TUBGCP2: variants seen among roughly 807,000 people sequenced by gnomAD.
TUBGCP2 encodes gamma-tubulin complex component 2.
TUBGCP2 carries 55 observed loss-of-function variants against 92.2 expected under a neutral mutation model. The ratio of observed to expected loss-of-function variants is 0.60; its 90% CI spans 0.48 to 0.75. TUBGCP2 has a LOEUF of 0.75. Ranked by LOEUF, TUBGCP2 falls within the 30% of genes least tolerant of loss-of-function variation. TUBGCP2 has a pLI of 0.00. For missense variants in TUBGCP2, 1,093 were observed against 1,188.9 expected (o/e 0.92, Z 1.19); for synonymous variants, 533 against 505.2 (o/e 1.06, Z -0.74).
rs1847493486 is a variant in TUBGCP2 at position 133,296,628 on chromosome 10, C to T, written c.616+1324G>A. On this transcript the variant is annotated intron_variant, in intron 5 of 17. Coordinates refer to ENST00000252936, the MANE Select transcript of TUBGCP2 (RefSeq NM_006659.4). ...GAGTAGCTGGGACTACAGGTGCACG[C>T]TACCACACTCGGCTAATTTTCACAT... Among the ~76,000 whole-genome samples the T allele has an allele frequency of 1.3e-5, 2 of 152,154 alleles. 1 individual carries two copies. Among genetic ancestry groups the T allele is most frequent in the South Asian group, 4.1e-4 (2 of 4,832 alleles).
At chr10:133,307,527 C>T (rs1200142056) in intron 1 of TUBGCP2, among the ~76,000 whole-genome samples, 1 of 152,240 alleles carries the variant, frequency 6.6e-6, no homozygotes, top group Non-Finnish European at 1.5e-5. Flanking sequence ...TACAGTCATG[C>T]ATCACTCAAC....
In TUBGCP2 at chr10:133,306,089, T is replaced by G. The variant is rs138425574; in HGVS notation, c.-40+2734A>C. On this transcript the variant is annotated intron_variant, in intron 1 of 17. Transcript: ENST00000252936. ...GTTACCAGGAAAGCAGAAACAAACA[T>G]GCGGCACCATTGCTCCCTGGAGGTG... 2.4e-4 allele frequency among the ~76,000 whole-genome samples: 36 copies of G among 152,322 alleles called. No individual in the cohort carries two copies. In the East Asian group the frequency reaches 6.6e-3, roughly 28 times the overall value.
rs1212671656 is a variant in TUBGCP2, at chr10:133,297,981, C to G, written c.587G>C (p.Gly196Ala). 1 of 1,613,808 alleles carries G rather than the reference C, an allele frequency of 6.2e-7. No homozygotes were observed. The highest frequency in any genetic ancestry group is 8.5e-7 in the Non-Finnish European group (1 of 1,179,898). ...ALIGDFLIGA[G>A]ISTDTALPIG... is the part of the protein sequence containing the mutation. ...CGGCAAAGCGGTGTCTGTGCTGATG[C>G]CAGCACCAATCAGGAAATCCCCGAT... is the stretch of plus-strand genomic sequence containing the variant. The change falls in exon 5 of 18, where the codon GGC (glycine) becomes GCC (alanine). Residue 196 changes from glycine to alanine, a missense_variant. Gly to Ala is a moderately conservative substitution (Grantham distance 60). Coordinates refer to ENST00000252936, the MANE Select transcript of TUBGCP2 (RefSeq NM_006659.4).
intron 11 of TUBGCP2, among the ~76,000 whole-genome samples, 174 bp downstream of exon 11, chr10:133,287,955 C>T (rs1232698917): frequency 6.6e-6 from 1 of 152,186 alleles, no homozygotes; most frequent in African/African-American, 2.4e-5. Flanking sequence ...AGAGCACAGG[C>T]ACAAAGACCC....
chr10:133,294,913 C>T (rs1847454306), intron 5 of TUBGCP2, among the ~76,000 whole-genome samples: 1 of 152,234 alleles, frequency 6.6e-6, no homozygotes, highest in African/African-American at 2.4e-5. Context: ...AAAACCGAGA[C>T]CCCAATGTCT....
chr10:133,306,798 AAT>A (rs1201264354), intron 1 of TUBGCP2, among the ~76,000 whole-genome samples: 2 of 152,084 alleles, frequency 1.3e-5, no homozygotes, highest in Non-Finnish European at 2.9e-5. Context: ...AAAAAATAAT[AAT>A]AAAAAAAATA....
At chr10:133,296,426 G>C (rs1847488618) in intron 5 of TUBGCP2, among the ~76,000 whole-genome samples, 1 of 152,024 alleles carries the variant, frequency 6.6e-6, no homozygotes, top group Non-Finnish European at 1.5e-5. Context: ...AGTCTTCACA[G>C]TTGGGTTTTC....
At chr10:133,289,513 G>T (rs1335826959) in intron 9 of TUBGCP2, among the ~76,000 whole-genome samples, 1 of 152,200 alleles carries the variant, frequency 6.6e-6, no homozygotes, top group Non-Finnish European at 1.5e-5. Context: ...TTCCTGACAT[G>T]CTAGCGGAGT....
Position 133,284,230 on chromosome 10 carries a change from C to T in TUBGCP2, c.2025-228G>A, listed in dbSNP as rs74164139. On this transcript the variant is annotated intron_variant, in intron 13 of 17. Coordinates refer to ENST00000252936, the MANE Select transcript of TUBGCP2 (RefSeq NM_006659.4). The stretch of plus-strand genomic sequence containing the variant: ...ACCAACCTGTGCCCTGCAGGGACAC[C>T]CCCAGCCAGCTGGACGGTGGAGACT... 8.3e-3 allele frequency among the ~76,000 whole-genome samples: 1,262 copies of T among 152,348 alleles called. 16 individuals carry two copies. The highest frequency in any genetic ancestry group is 0.027 in the African/African-American group (1,130 of 41,580).
Position 133,289,932 on chromosome 10 carries a change from T to A in TUBGCP2, c.1252A>T (p.Arg418Trp). The A allele has an allele frequency of 6.4e-7, 1 of 1,568,686 alleles. No individual in the cohort carries two copies. The highest frequency in any genetic ancestry group is 1.7e-4 in the Middle Eastern group (1 of 5,918). Residue 418 changes from arginine to tryptophan, a missense_variant, in exon 9 of 18, where the codon AGG (arginine) becomes TGG (tryptophan). This residue lies in a region of TUBGCP2 where 598 missense variants were observed against 675.5 expected (regional missense o/e 0.89). Coordinates refer to ENST00000252936, the MANE Select transcript of TUBGCP2 (RefSeq NM_006659.4). ...TTGTCGTTGTAATCCTCCTGGATCC[T>A]CTCCTTCCGCAGCTCGTGCTCCTCG... ...MVEEHELRKE[R>W]IQEDYNDKYW...
At position 133,285,005 on chromosome 10, in the gene TUBGCP2, C is replaced by T; in HGVS notation, c.2024+80G>A. The T allele has an allele frequency of 6.6e-7, 1 of 1,512,006 alleles. No homozygotes were observed. Among genetic ancestry groups the T allele is most frequent in the South Asian group, 1.3e-5 (1 of 76,722 alleles). The allele number at this position is 1,512,006 out of a possible 1,614,324, so 93.7% of individuals were successfully genotyped here. On this transcript the variant is annotated intron_variant, in intron 13 of 17. Coordinates refer to ENST00000252936, the MANE Select transcript of TUBGCP2 (RefSeq NM_006659.4). The surrounding 1 kb of genome is among the most constrained non-coding windows in gnomAD (Gnocchi z 6.8). ...TAGAAAGCTGTCTACCAGGAGGGCA[C>T]AAGGGGGGCGCTGCACCACTGGGCA...
At chr10:133,294,205 G>A (rs1351077955) in intron 5 of TUBGCP2, among the ~76,000 whole-genome samples, 3 of 152,250 alleles carry the variant, frequency 2.0e-5, no homozygotes, top group Admixed American at 1.3e-4. Flanking sequence ...TCTATCCAGA[G>A]AGGATGAGAC....
chr10:133,279,870 G>T lies in TUBGCP2; in HGVS notation c.2605C>A (p.Leu869Met). The T allele has an allele frequency of 6.2e-7, 1 of 1,608,928 alleles. No homozygotes were observed. The highest frequency in any genetic ancestry group is 1.3e-5 in the African/African-American group (1 of 74,912). ...CTCCTCTCTGCAGACAGGCGCTCCA[G>T]GCGCTCCGTGTAGAAACCATTGAAG... ...LDFNGFYTERLERLSAERSQK... is the reference protein window; with the variant it reads ...LDFNGFYTERMERLSAERSQK... The change falls in exon 18 of 18, where the codon CTG (leucine) becomes ATG (methionine). Residue 869 changes from leucine (L) to methionine (M), a missense_variant. Leu to Met is a conservative substitution (Grantham distance 15). This residue lies in a region of TUBGCP2 where 598 missense variants were observed against 675.5 expected (regional missense o/e 0.89). Coordinates refer to ENST00000252936, the MANE Select transcript of TUBGCP2 (RefSeq NM_006659.4).
chr10:133,298,672 C>CT (rs1665464417), intron 4 of TUBGCP2, among the ~76,000 whole-genome samples: 1 of 152,282 alleles, frequency 6.6e-6, no homozygotes, highest in Non-Finnish European at 1.5e-5. Context: ...TTCGGAAGCA[C>CT]TGACTCCCAC....
chr10:133,279,734 C>T lies in TUBGCP2; in HGVS notation c.*32G>A, dbSNP rs772191606. On this transcript the variant is annotated 3_prime_UTR_variant, in exon 18 of 18. Transcript: ENST00000252936. ...CCCATTTGCACCAGTCCCTGCTGACCCCACACCCTTCCTTCCTGTCACAGC... is the reference window on the plus strand; with the variant it reads ...CCCATTTGCACCAGTCCCTGCTGACTCCACACCCTTCCTTCCTGTCACAGC... 4.3e-5 allele frequency: 66 copies of T among 1,539,960 alleles called. No individual in the cohort carries two copies. The highest frequency in any genetic ancestry group is 5.3e-5 in the Non-Finnish European group (61 of 1,141,228).
chr10:133,310,324 T>A, upstream of TUBGCP2: 3 of 1,611,602 alleles, frequency 1.9e-6, no homozygotes, highest in South Asian at 1.1e-5. Flanking sequence ...TGTCTGCTTT[T>A]GATTTTAGGA....
chr10:133,312,233 C>CGTTTCTAGCGTCACCTGTGCCGTCTGT, upstream of TUBGCP2: 1 of 1,372,180 alleles, frequency 7.3e-7, no homozygotes, highest in Non-Finnish European at 9.4e-7. Context: ...GTGCCGTCTG[C>CGTTTCTAGCGTCACCTGTGCCGTCTGT]CTTCCTAGCA....
chr10:133,308,219 T>C (rs530474283), intron 1 of TUBGCP2, among the ~76,000 whole-genome samples: 55 of 152,320 alleles, frequency 3.6e-4, no homozygotes, highest in Non-Finnish European at 5.3e-4. Flanking sequence ...CTCTTTACTC[T>C]GACGTCTGTC....
Position 133,281,385 on chromosome 10 carries a change from T to C in TUBGCP2, c.2461A>G (p.Thr821Ala), listed in dbSNP as rs1846972248. ...TVQLVSGFEA[T>A]INKFDKNFSA... ...AAGTTCTTGTCAAACTTGTTGATGG[T>C]GGCCTCGAAGCCGGACACCAGCTGC... The change falls in exon 17 of 18, where the codon ACC becomes GCC. Residue 821 changes from threonine to alanine, a missense_variant. Physicochemically the swap from Thr to Ala is moderately conservative, Grantham distance 58. Around this residue, in one of 3 missense-constraint regions of TUBGCP2, gnomAD observed 598 missense variants for 675.5 expected, o/e 0.89. Transcript: ENST00000252936. 1 of 1,613,806 alleles carries C rather than the reference T, an allele frequency of 6.2e-7. No homozygotes were observed. The highest frequency in any genetic ancestry group is 8.5e-7 in the Non-Finnish European group (1 of 1,180,004).
Sources: allele counts gnomAD v4.1 joint callset (sites outside exome capture counted in the v4.1 genomes callset), GRCh38; gene constraint gnomAD v4.1.1; regional missense constraint gnomAD v4.1.1; non-coding constraint Gnocchi (gnomAD v3.1); transcripts MANE v1.5; gene names NCBI Gene and HGNC (gene_info 2026-07-23, HGNC 2026-07-21).